Variants in MARCHF8 observed in about 807,000 individuals in gnomAD.
The protein encoded by MARCHF8 is E3 ubiquitin-protein ligase MARCHF8.
In MARCHF8, 40 loss-of-function variants were observed where a neutral mutation model predicts 51.6. The ratio of observed to expected loss-of-function variants is 0.77; its 90% CI spans 0.60 to 1.01. The LOEUF (loss-of-function observed/expected upper bound fraction) is 1.01. MARCHF8 is among the 50% of genes least tolerant of loss of function. The probability of loss-of-function intolerance (pLI) is 0.00; values close to 1 mark genes in which losing one functional copy is unlikely to be tolerated. For synonymous variants in MARCHF8, 263 were observed against 280.3 expected, an observed-to-expected ratio of 0.94 and a Z score of 0.62; for missense variants, 685 against 708.6, an observed-to-expected ratio of 0.97 and a Z score of 0.38.
chr10:45,581,242 C>A (rs1276045021), intron 1 of MARCHF8, among the ~76,000 whole-genome samples: 1 of 152,010 alleles, frequency 6.6e-6, no homozygotes, highest in Non-Finnish European at 1.5e-5. Flanking sequence ...ACTGAACATC[C>A]TACAATACAC....
intron 2 of MARCHF8, 65 bp from the exon 3 acceptor site, chr10:45,489,482 T>G: frequency 1.4e-6 from 2 of 1,411,364 alleles, no homozygotes; most frequent in South Asian, 1.2e-5. Context: ...GAACAAGTAA[T>G]TGATCACAAC....
At chr10:45,476,780 G>C (rs908833816) in intron 3 of MARCHF8, among the ~76,000 whole-genome samples, 1 of 151,862 alleles carries the variant, frequency 6.6e-6, no homozygotes, top group Admixed American at 6.6e-5. Context: ...CTTGAAGACA[G>C]GTCTTTTGAA....
At chr10:45,571,663 C>T (rs2133392524) in intron 1 of MARCHF8, among the ~76,000 whole-genome samples, 1 of 152,310 alleles carries the variant, frequency 6.6e-6, no homozygotes, top group South Asian at 2.1e-4. Flanking sequence ...CCACCTACGA[C>T]CTCTGGTCCT....
At chr10:45,577,873 T>C (rs1179110484) in intron 1 of MARCHF8, among the ~76,000 whole-genome samples, 1 of 152,154 alleles carries the variant, frequency 6.6e-6, no homozygotes, top group Non-Finnish European at 1.5e-5. Flanking sequence ...ATTTTAAAAA[T>C]AGCTGGGCAT....
chr10:45,546,107 G>T (rs2044117245), intron 1 of MARCHF8, among the ~76,000 whole-genome samples: 1 of 151,874 alleles, frequency 6.6e-6, no homozygotes, highest in South Asian at 2.1e-4. Flanking sequence ...AAAACAGCGA[G>T]TTCATTTTAA....
intron 6 of MARCHF8, among the ~76,000 whole-genome samples, chr10:45,459,485 T>A (rs1342657134): frequency 6.6e-6 from 1 of 152,212 alleles, no homozygotes; most frequent in Non-Finnish European, 1.5e-5. Flanking sequence ...AGGATCAAGA[T>A]GAATGCAGAA....
Position 45,459,139 on chromosome 10 carries a change from G to C in MARCHF8, c.1398C>G (p.Ile466Met), listed in dbSNP as rs375160760. 6 of 1,613,846 alleles carry C rather than the reference G, an allele frequency of 3.7e-6. No homozygotes were observed. Among genetic ancestry groups the C allele is most frequent in the Admixed American group, 1.7e-5 (1 of 59,976 alleles). Reference protein sequence around the residue: ...YVLIDRTAEEIKQGQATGILE... With the variant: ...YVLIDRTAEEMKQGQATGILE... ...ACTCACCTGTTGCCTGCCCCTGCTT[G>C]ATCTCCTCAGCAGTACGGTCAATGA... Residue 466 changes from isoleucine to methionine, a missense_variant, in exon 7 of 8, where the codon ATC becomes ATG. By Grantham distance (10) the Ile-to-Met change is conservative. Coordinates refer to ENST00000453424, the MANE Select transcript of MARCHF8 (RefSeq NM_001282866.2).
chr10:45,495,649 G>T (rs553120521), intron 2 of MARCHF8, among the ~76,000 whole-genome samples: 1 of 151,204 alleles, frequency 6.6e-6, no homozygotes, highest in Admixed American at 6.6e-5. Context: ...TAATTCCCCT[G>T]TCTAGGAGGA....
intron 3 of MARCHF8, among the ~76,000 whole-genome samples, chr10:45,466,234 A>C (rs1350803932): frequency 6.6e-6 from 1 of 152,168 alleles, no homozygotes; most frequent in Non-Finnish European, 1.5e-5. Context: ...CCAAACTCCT[A>C]CAGTCCCCCT....
At chr10:45,559,147 C>T (rs564272939) in intron 1 of MARCHF8, among the ~76,000 whole-genome samples, 7 of 152,190 alleles carry the variant, frequency 4.6e-5, no homozygotes, top group African/African-American at 1.2e-4. Flanking sequence ...GTAAACATAC[C>T]GTAAATCTAA....
chr10:45,500,261 T>TTG (rs896999020), intron 2 of MARCHF8, among the ~76,000 whole-genome samples: 1 of 152,066 alleles, frequency 6.6e-6, no homozygotes, highest in Non-Finnish European at 1.5e-5. Flanking sequence ...CACAGCTGAT[T>TTG]TGTGTGTGTG....
intron 2 of MARCHF8, among the ~76,000 whole-genome samples, chr10:45,513,753 T>C (rs2036753089): frequency 6.6e-6 from 1 of 152,178 alleles, no homozygotes; most frequent in Admixed American, 6.5e-5. Flanking sequence ...TGAAATTACA[T>C]GTCTGGCTTA....
At chr10:45,555,611 G>A (rs1195465131) in intron 1 of MARCHF8, among the ~76,000 whole-genome samples, 3 of 151,954 alleles carry the variant, frequency 2.0e-5, no homozygotes, top group South Asian at 4.2e-4. Flanking sequence ...GTGTTTGGTG[G>A]TGCATGCCTG....
At chr10:45,556,575 G>A (rs572216306) in intron 1 of MARCHF8, among the ~76,000 whole-genome samples, 1 of 152,270 alleles carries the variant, frequency 6.6e-6, no homozygotes, top group East Asian at 1.9e-4. Flanking sequence ...ATGTATGACT[G>A]TATGTCTGTA....
At position 45,556,851 on chromosome 10, in the gene MARCHF8, G is replaced by A. The variant is rs368345845; in HGVS notation, c.-78-23562C>T. ...AGTGATCCAACTTGTAGTAAAGGAT[G>A]AGTAAATAGAATCAAGTATTAAAAA... On this transcript the variant is annotated intron_variant, in intron 1 of 6. Coordinates refer to the MARCHF8 transcript ENST00000319836. 1.1e-4 allele frequency among the ~76,000 whole-genome samples: 17 copies of A among 152,248 alleles called. 1 individual carries two copies. The East Asian group carries it at 1.7e-3, about 16-fold the overall frequency.
At chr10:45,507,617 G>T (rs1016796968) in intron 2 of MARCHF8, among the ~76,000 whole-genome samples, 15 of 152,230 alleles carry the variant, frequency 9.9e-5, no homozygotes, top group African/African-American at 3.1e-4. Context: ...ATTCATGAGG[G>T]ATCCGCCTCT....
intron 1 of MARCHF8, among the ~76,000 whole-genome samples, chr10:45,568,937 C>A (rs2044397642): frequency 6.7e-6 from 1 of 148,510 alleles, no homozygotes; most frequent in Non-Finnish European, 1.5e-5. Flanking sequence ...TGGTAGTGGG[C>A]GCCTGTAGTC....
intron 1 of MARCHF8, among the ~76,000 whole-genome samples, chr10:45,565,061 T>C (rs2044349726): frequency 6.6e-6 from 1 of 152,062 alleles, no homozygotes; most frequent in East Asian, 1.9e-4. Flanking sequence ...CAATTTATTC[T>C]CTTAATTTCT....
At chr10:45,517,271 A>G (rs2133222707) in intron 2 of MARCHF8, among the ~76,000 whole-genome samples, 1 of 152,362 alleles carries the variant, frequency 6.6e-6, no homozygotes, top group Admixed American at 6.5e-5. Context: ...AAGAATAGTA[A>G]TATGAATATA....
Sources: allele counts gnomAD v4.1 joint callset (sites outside exome capture counted in the v4.1 genomes callset), GRCh38; gene constraint gnomAD v4.1.1; transcripts MANE v1.5; gene names NCBI Gene and HGNC (gene_info 2026-07-23, HGNC 2026-07-21).